RASGEF1A: variants seen among roughly 807,000 people sequenced by gnomAD.
RASGEF1A encodes RasGEF domain family member 1A.
A neutral mutation model predicts 56.4 loss-of-function variants in RASGEF1A; 18 were observed. The ratio of observed to expected loss-of-function variants is 0.32; its 90% CI spans 0.22 to 0.47. The LOEUF (loss-of-function observed/expected upper bound fraction) is 0.47. Ranked by LOEUF, RASGEF1A falls within the 20% of genes least tolerant of loss-of-function variation. The pLI is 1.00. For synonymous variants in RASGEF1A, 245 were observed against 242.6 expected, an observed-to-expected ratio of 1.01 and a Z score of -0.09; for missense variants, 422 against 627.1, an observed-to-expected ratio of 0.67 and a Z score of 3.49.
At chr10:43,214,302 C>T (rs947286946) in intron 1 of RASGEF1A, among the ~76,000 whole-genome samples, 5 of 152,178 alleles carry the variant, frequency 3.3e-5, no homozygotes, top group African/African-American at 9.7e-5. Context: ...TTTCCACTCC[C>T]GAATGTTCTT....
At chr10:43,203,777 C>T in intron 2 of RASGEF1A, 1 of 1,042,866 alleles carries the variant, frequency 9.6e-7, no homozygotes, top group Non-Finnish European at 1.2e-6. Context: ...GGATGCAAGC[C>T]AGCTGCTGTT....
intron 1 of RASGEF1A, among the ~76,000 whole-genome samples, chr10:43,253,013 C>T (rs1840644749): frequency 6.6e-6 from 1 of 152,204 alleles, no homozygotes; most frequent in Non-Finnish European, 1.5e-5. Flanking sequence ...TCAAAGGAGC[C>T]CATCGTGGGC....
intron 1 of RASGEF1A, among the ~76,000 whole-genome samples, chr10:43,218,737 G>C (rs1408658801): frequency 6.6e-6 from 1 of 152,274 alleles, no homozygotes; most frequent in East Asian, 1.9e-4. Context: ...CCTCAGGCCG[G>C]ACTCCAACAA....
intron 1 of RASGEF1A, among the ~76,000 whole-genome samples, chr10:43,247,079 AG>A (rs1253872736): frequency 2.6e-5 from 4 of 152,280 alleles, no homozygotes; most frequent in African/African-American, 9.6e-5. Context: ...AATGATAAAA[AG>A]ATAGCCCAGT....
intron 1 of RASGEF1A, among the ~76,000 whole-genome samples, chr10:43,257,804 C>T (rs1210038415): frequency 6.6e-6 from 1 of 152,204 alleles, no homozygotes; most frequent in East Asian, 1.9e-4. Flanking sequence ...CTCCCCTGGG[C>T]TCCCACAGGG....
chr10:43,255,388 G>A (rs1025581998), intron 1 of RASGEF1A, among the ~76,000 whole-genome samples: 2 of 152,068 alleles, frequency 1.3e-5, no homozygotes, highest in African/African-American at 2.4e-5. Context: ...GCTGAGGTGA[G>A]AGAGCTGACC....
intron 1 of RASGEF1A, among the ~76,000 whole-genome samples, chr10:43,215,487 G>C (rs1327566591): frequency 6.6e-6 from 1 of 152,180 alleles, no homozygotes; most frequent in Non-Finnish European, 1.5e-5. Context: ...GATCCTGGTG[G>C]GCCTCAGGAG....
At chr10:43,207,325 G>T in intron 1 of RASGEF1A, 1 of 985,486 alleles carries the variant, frequency 1.0e-6, no homozygotes, top group African/African-American at 1.7e-5. Flanking sequence ...TGACAGGACC[G>T]TGGGCCTCTG....
chr10:43,264,398 C>T (rs967553471), intron 1 of RASGEF1A, among the ~76,000 whole-genome samples: 15 of 151,100 alleles, frequency 9.9e-5, no homozygotes, highest in Non-Finnish European at 2.2e-4. Flanking sequence ...CCCAGCAATC[C>T]ACCAGTGGGT....
intron 10 of RASGEF1A, 98 bp downstream of exon 10, chr10:43,197,906 T>G (rs1839825452): frequency 9.3e-7 from 1 of 1,073,750 alleles, no homozygotes; most frequent in Non-Finnish European, 1.4e-6. Context: ...CAGGCAGGGC[T>G]CAGGAAACCC....
intron 1 of RASGEF1A, among the ~76,000 whole-genome samples, chr10:43,259,887 T>C (rs1836495200): frequency 6.8e-6 from 1 of 146,950 alleles, no homozygotes; most frequent in African/African-American, 2.5e-5. Context: ...GGAAGGGGGA[T>C]GGCCAGCTCA....
chr10:43,230,078 G>T (rs1009817995), intron 1 of RASGEF1A, among the ~76,000 whole-genome samples: 10 of 151,666 alleles, frequency 6.6e-5, no homozygotes, highest in Non-Finnish European at 1.2e-4. Context: ...GGGCCGGCGA[G>T]GGGGCGCAGC....
chr10:43,232,823 T>C (rs2133212230), intron 1 of RASGEF1A, among the ~76,000 whole-genome samples: 1 of 152,272 alleles, frequency 6.6e-6, no homozygotes, highest in South Asian at 2.1e-4. Context: ...AACAGACTAC[T>C]ACACTCGCAA....
rs778762239 is a variant in RASGEF1A at position 43,200,833 on chromosome 10, G to A, written c.515C>T (p.Ser172Phe). 1.9e-6 allele frequency: 3 copies of A among 1,614,036 alleles called. No homozygotes were observed. In the South Asian group the frequency reaches 3.3e-5, roughly 18 times the overall value. Residue 172 changes from serine (S) to phenylalanine (F), a missense_variant, in exon 5 of 13, where the codon TCC (serine) becomes TTC (phenylalanine). This residue lies in a region of RASGEF1A where 273 missense variants were observed against 339.9 expected (regional missense o/e 0.80). Coordinates refer to ENST00000395810, the MANE Select transcript of RASGEF1A (RefSeq NM_145313.4). ...CTGGAGCTGGCTCCGGGCAGCCAAG[G>A]ACAGCAACAGGCTCTGTGTCATCTG... Reference protein sequence around the residue: ...IAQMTQSLLLSLAARSQLQEL... With the variant: ...IAQMTQSLLLFLAARSQLQEL...
intron 1 of RASGEF1A, among the ~76,000 whole-genome samples, chr10:43,222,031 G>C (rs1395899565): frequency 6.6e-6 from 1 of 152,192 alleles, no homozygotes; most frequent in Admixed American, 6.5e-5. Flanking sequence ...GCAAACCCCA[G>C]AGTGACTTAC....
intron 1 of RASGEF1A, chr10:43,229,783 G>A: frequency 3.2e-6 from 4 of 1,261,382 alleles, no homozygotes; most frequent in Non-Finnish European, 4.0e-6. Context: ...CCGCTGGAGG[G>A]GTGGGACCCC....
chr10:43,240,494 A>G (rs1405967684), intron 1 of RASGEF1A, among the ~76,000 whole-genome samples: 1 of 152,232 alleles, frequency 6.6e-6, no homozygotes, highest in African/African-American at 2.4e-5. Context: ...GAAGCAATAT[A>G]TCAAACAGAG....
intron 1 of RASGEF1A, among the ~76,000 whole-genome samples, chr10:43,247,723 T>C (rs1451720046): frequency 1.3e-5 from 2 of 152,174 alleles, no homozygotes; most frequent in African/African-American, 2.4e-5. Flanking sequence ...GATTAGTGGT[T>C]ACCAGAAGCT....
intron 1 of RASGEF1A, among the ~76,000 whole-genome samples, chr10:43,262,377 C>T (rs1281400094): frequency 1.3e-5 from 2 of 152,156 alleles, no homozygotes; most frequent in African/African-American, 2.4e-5. Flanking sequence ...AGGGTGCTGG[C>T]CTCCCAGCCC....
Sources: gnomAD v4.1 joint callset for allele counts (sites outside exome capture counted in the v4.1 genomes callset) on GRCh38, gnomAD v4.1.1 for gene constraint, gnomAD v4.1.1 regional missense constraint, MANE v1.5 for transcripts, NCBI Gene and HGNC (gene_info 2026-07-23, HGNC 2026-07-21) for gene names.